Variants in TRNT1 observed in about 807,000 individuals in gnomAD.
TRNT1 encodes the protein CCA tRNA nucleotidyltransferase 1, mitochondrial.
TRNT1 carries 44 observed loss-of-function variants against 45.6 expected under a neutral mutation model. The observed-to-expected ratio is 0.97, with a 90% CI of 0.76 to 1.24. TRNT1 has a LOEUF of 1.24. TRNT1 is among the 50% of genes most tolerant of loss of function. The pLI is 0.00. For synonymous variants in TRNT1, 201 were observed against 171.4 expected (o/e 1.17, Z -1.35); for missense variants, 633 against 504.4 (o/e 1.25, Z -2.44).
chr3:3,153,386 A>C (rs545194008), downstream of TRNT1: 1 of 1,120,338 alleles, frequency 8.9e-7, no homozygotes, highest in Non-Finnish European at 1.4e-6. Context: ...TATAATTCTG[A>C]TAAGGCAAGT....
chr3:3,151,375 G>T (rs972648372), downstream of TRNT1, among the ~76,000 whole-genome samples: 2 of 152,038 alleles, frequency 1.3e-5, no homozygotes, highest in Admixed American at 1.3e-4. Context: ...ATTCTAACTT[G>T]TACTGGCTTT....
Position 3,126,987 on chromosome 3 carries a change from G to GC in TRNT1, c.-29dup, listed in dbSNP as rs1704616406. Reference sequence around the variant, plus strand: ...CGGTGGCGGCTGCGGCAACAGCGGGGCCGGTAAGCGGGCGCGCGCCGCTCA... The same window carrying GC: ...CGGTGGCGGCTGCGGCAACAGCGGGGCCCGGTAAGCGGGCGCGCGCCGCTCA... On this transcript the variant is annotated 5_prime_UTR_variant, in exon 1 of 8. Transcript: ENST00000251607. 6.5e-6 allele frequency: 1 copy of GC among 152,982 alleles called. No homozygotes were observed. The highest frequency in any genetic ancestry group is 6.5e-5 in the Admixed American group (1 of 15,296). 9.5% of individuals were successfully genotyped at this position (152,982 alleles called of 1,614,324 possible). A position where few individuals can be genotyped will look rare whatever the true frequency, so the allele number is the denominator to read the frequency against.
intron 1 of TRNT1, among the ~76,000 whole-genome samples, chr3:3,128,548 G>A (rs1411117376): frequency 1.5e-5 from 2 of 137,628 alleles, no homozygotes; most frequent in Non-Finnish European, 3.0e-5. Flanking sequence ...GCAGTGAGCT[G>A]AGATCGCGCC....
chr3:3,144,840 CCT>C, intron 5 of TRNT1, 130 bp downstream of exon 5: 7 of 883,354 alleles, frequency 7.9e-6, no homozygotes, highest in Non-Finnish European at 6.3e-6. Flanking sequence ...CCAGTGGAGA[CCT>C]AGCACCCTAT....
chr3:3,147,323 G>C, intron 6 of TRNT1, 127 bp from the exon 7 acceptor site: 1 of 1,064,954 alleles, frequency 9.4e-7, no homozygotes, highest in Non-Finnish European at 1.4e-6. Flanking sequence ...TGGAACATCA[G>C]ACTGAACCTA....
downstream of TRNT1, among the ~76,000 whole-genome samples, chr3:3,151,644 C>CA (rs746012386): frequency 2.0e-5 from 3 of 152,048 alleles, no homozygotes; most frequent in Non-Finnish European, 4.4e-5. Flanking sequence ...TTTATAGTAA[C>CA]AAATGTATTC....
intron 2 of TRNT1, chr3:3,129,805 G>A (rs1704886312): frequency 1.3e-5 from 18 of 1,438,720 alleles, no homozygotes; most frequent in Non-Finnish European, 1.7e-5. Context: ...TGTTAGGCAT[G>A]TGAAGTGCTT....
rs1383966683 is a variant in TRNT1, at chr3:3,148,831, C to A, written c.*677C>A. 1 of 151,994 alleles carries A rather than the reference C, an allele frequency of 6.6e-6. No individual in the cohort carries two copies. The highest frequency in any genetic ancestry group is 1.5e-5 in the Non-Finnish European group (1 of 67,970). The allele number at this position is 151,994 out of a possible 1,614,324, so 9.4% of individuals were successfully genotyped here. A position where few individuals can be genotyped will look rare whatever the true frequency, so the allele number is the denominator to read the frequency against. On this transcript the variant is annotated 3_prime_UTR_variant, in exon 8 of 8. Coordinates refer to ENST00000251607, the MANE Select transcript of TRNT1 (RefSeq NM_182916.3). ...TTAATTAATTATTGTTTTAATAAAA[C>A]AAACATTGGTATTGGAAGATAAATA...
intron 2 of TRNT1, chr3:3,129,642 G>C (rs1704876339): frequency 1.4e-5 from 8 of 570,684 alleles, no homozygotes; most frequent in South Asian, 1.2e-4. Context: ...CAAAAATATA[G>C]CTAAATCACT....
downstream of TRNT1, chr3:3,152,488 G>A: frequency 1.9e-6 from 3 of 1,613,818 alleles, no homozygotes; most frequent in Non-Finnish European, 2.5e-6. Flanking sequence ...TAGAAGGCCG[G>A]CCTATCAGAT....
chr3:3,147,405 T>A (rs1012621551), intron 6 of TRNT1, 45 bp from the exon 7 acceptor site: 1 of 1,601,210 alleles, frequency 6.2e-7, no homozygotes, highest in Non-Finnish European at 8.5e-7. Flanking sequence ...TGAGTGGTTT[T>A]TTATCCCCAC....
In TRNT1 at chr3:3,148,261, G is replaced by A; in HGVS notation, c.*107G>A. On this transcript the variant is annotated 3_prime_UTR_variant, in exon 8 of 8. Coordinates refer to ENST00000251607, the MANE Select transcript of TRNT1 (RefSeq NM_182916.3). Reference sequence around the variant, plus strand: ...CACCAGAATAAAAGACAGTTTAGGGGACCTCTGTAGAACAACAAGGGTCTT... The same window carrying A: ...CACCAGAATAAAAGACAGTTTAGGGAACCTCTGTAGAACAACAAGGGTCTT... 8.3e-7 allele frequency: 1 copy of A among 1,204,108 alleles called. No individual in the cohort carries two copies. The highest frequency in any genetic ancestry group is 1.2e-6 in the Non-Finnish European group (1 of 859,740). The allele number at this position is 1,204,108 out of a possible 1,614,324, so 74.6% of individuals were successfully genotyped here. A position where few individuals can be genotyped will look rare whatever the true frequency, so the allele number is the denominator to read the frequency against.
intron 1 of TRNT1, chr3:3,127,463 C>T (rs1338655285): frequency 1.3e-5 from 2 of 152,316 alleles, no homozygotes; most frequent in African/African-American, 4.8e-5. Flanking sequence ...ACACCGGGGT[C>T]ACTCGAGAGC....
chr3:3,150,935 G>C (rs1177866083), downstream of TRNT1: 5 of 1,614,014 alleles, frequency 3.1e-6, no homozygotes, highest in South Asian at 5.5e-5. Context: ...CAACAGAGCA[G>C]ATCGCGTTAA....
chr3:3,133,961 C>G (rs1353819182), intron 2 of TRNT1, among the ~76,000 whole-genome samples: 3 of 152,048 alleles, frequency 2.0e-5, no homozygotes, highest in Non-Finnish European at 4.4e-5. Flanking sequence ...AAAGAGGTGA[C>G]AGTTATAAAA....
downstream of TRNT1, chr3:3,153,201 CTTTACCATGCTCATTACCTGTGAA>C (rs1706705733): frequency 2.1e-6 from 1 of 481,040 alleles, no homozygotes; most frequent in Admixed American, 3.7e-5. Flanking sequence ...AGTTGTTTTA[CTTTACCATGCTCATTACCTGTGAA>C]TAATCCCTGA....
intron 3 of TRNT1, among the ~76,000 whole-genome samples, chr3:3,140,295 T>TG: frequency 6.6e-6 from 1 of 152,026 alleles, no homozygotes; most frequent in African/African-American, 2.4e-5. Flanking sequence ...TCATGATGGA[T>TG]TTTTTTTAAA....
At chr3:3,146,337 A>G in intron 5 of TRNT1, 93 bp from the exon 6 acceptor site, 2 of 902,072 alleles carry the variant, frequency 2.2e-6, no homozygotes, top group Admixed American at 2.7e-5. Flanking sequence ...CATTAAGCAG[A>G]TGTATGGGAT....
chr3:3,139,062 G>T (rs146591782), intron 3 of TRNT1, among the ~76,000 whole-genome samples: 37 of 152,162 alleles, frequency 2.4e-4, no homozygotes, highest in African/African-American at 7.0e-4. Context: ...GTAGGGAAAG[G>T]GATGAGGGTC....
Sources: gnomAD v4.1 joint callset for allele counts (sites outside exome capture counted in the v4.1 genomes callset) on GRCh38, gnomAD v4.1.1 for gene constraint, MANE v1.5 for transcripts, NCBI Gene and HGNC (gene_info 2026-07-23, HGNC 2026-07-21) for gene names.